The following TNRC18 variants were observed in gnomAD, a reference collection of about 807,000 sequenced individuals.
TNRC18 encodes the protein trinucleotide repeat containing 18.
TNRC18 carries 69 observed loss-of-function variants against 226.7 expected under a neutral mutation model. That is an observed-to-expected ratio of 0.30 (90% CI 0.25 to 0.37). TNRC18 has a LOEUF of 0.37. TNRC18 is among the 10% of genes least tolerant of loss of function. The pLI is 1.00. For missense variants in TNRC18, 4,754 were observed against 4,256.6 expected (o/e 1.12, Z -3.25); for synonymous variants, 2,449 against 1,927.6 (o/e 1.27, Z -7.09).
intron 5 of TNRC18, among the ~76,000 whole-genome samples, chr7:5,382,684 T>C (rs1188268280): frequency 2.0e-5 from 3 of 152,064 alleles, no homozygotes; most frequent in South Asian, 2.1e-4. Context: ...CTCCCAGACC[T>C]GGCCCCACCC....
Position 5,389,118 on chromosome 7 carries a change from G to C in TNRC18, c.706C>G (p.Arg236Gly). Residue 236 changes from arginine (R) to glycine (G), a missense_variant, in exon 5 of 30, where the codon CGG becomes GGG. Transcript: ENST00000430969. ...RARGEEASGPRGVVDLTQEAR... is the reference protein window; with the variant it reads ...RARGEEASGPGGVVDLTQEAR... Reference sequence around the variant, plus strand: ...TCCTGGGTCAGGTCCACCACGCCCCGTGGCCCCGAGGCCTCCTCGCCCCGG... The same window carrying C: ...TCCTGGGTCAGGTCCACCACGCCCCCTGGCCCCGAGGCCTCCTCGCCCCGG... 7.6e-7 allele frequency: 1 copy of C among 1,317,336 alleles called. No homozygotes were observed. Among genetic ancestry groups the C allele is most frequent in the Non-Finnish European group, 9.7e-7 (1 of 1,032,264 alleles). The allele number at this position is 1,317,336 out of a possible 1,614,324, so 81.6% of individuals were successfully genotyped here.
chr7:5,343,009 C>T (rs142713569), intron 18 of TNRC18, among the ~76,000 whole-genome samples: 1 of 152,266 alleles, frequency 6.6e-6, no homozygotes, highest in Non-Finnish European at 1.5e-5. Flanking sequence ...TGATCGTTAG[C>T]GTTTTTGGCA....
At chr7:5,407,977 C>T (rs1461415447) in intron 2 of TNRC18, among the ~76,000 whole-genome samples, 1 of 152,178 alleles carries the variant, frequency 6.6e-6, no homozygotes, top group Non-Finnish European at 1.5e-5. Context: ...CAAGAGACTG[C>T]ACAGTATTTG....
chr7:5,364,089 G>A (rs1440758112), intron 11 of TNRC18, among the ~76,000 whole-genome samples: 1 of 152,158 alleles, frequency 6.6e-6, no homozygotes, highest in Non-Finnish European at 1.5e-5. Context: ...TTTGAGGTGA[G>A]CAGTTTTGAG....
chr7:5,325,309 C>A, intron 19 of TNRC18, 61 bp from the exon 20 acceptor site: 1 of 1,520,964 alleles, frequency 6.6e-7, no homozygotes, highest in South Asian at 1.2e-5. Context: ...GGCAGCACCC[C>A]TGTCCCCCTC....
At chr7:5,350,618 G>C (rs1040669723) in intron 17 of TNRC18, among the ~76,000 whole-genome samples, 1 of 152,160 alleles carries the variant, frequency 6.6e-6, no homozygotes, top group South Asian at 2.1e-4. Flanking sequence ...CCTAAAACCA[G>C]GGCTAGGAAA....
rs978790005 is a variant in TNRC18, at chr7:5,394,278, CAAG to C, written c.343+159_343+161del. Among the ~76,000 whole-genome samples, 22 of 152,192 alleles carry C rather than the reference CAAG, an allele frequency of 1.4e-4. No individual in the cohort carries two copies. The highest frequency in any genetic ancestry group is 4.1e-4 in the African/African-American group (17 of 41,516). On this transcript the variant is annotated intron_variant, in intron 3 of 29. Transcript: ENST00000430969. The surrounding 1 kb of genome is among the most constrained non-coding windows in gnomAD (Gnocchi z 4.5). ...TCATACAAATGCCCTGTGACAGTGA[CAAG>C]AAGAAGCCCTGAGCGTTTGAGAAAC... is the stretch of plus-strand genomic sequence containing the variant.
In TNRC18 at chr7:5,307,287, A is replaced by T. The variant is rs908865466; in HGVS notation, c.*819T>A. Reference sequence around the variant, plus strand: ...TATTTATATATATTTATCTTTATATATATAATTAAAAAGTTGACTCCATTT... The same window carrying T: ...TATTTATATATATTTATCTTTATATTTATAATTAAAAAGTTGACTCCATTT... On this transcript the variant is annotated 3_prime_UTR_variant, in exon 30 of 30. Coordinates refer to ENST00000430969, the MANE Select transcript of TNRC18 (RefSeq NM_001080495.3). 14 of 150,430 alleles carry T rather than the reference A, an allele frequency of 9.3e-5. No homozygotes were observed. The highest frequency in any genetic ancestry group is 1.6e-4 in the Non-Finnish European group (11 of 67,680). 9.3% of individuals were successfully genotyped at this position (150,430 alleles called of 1,614,324 possible). A position where few individuals can be genotyped will look rare whatever the true frequency, so the allele number is the denominator to read the frequency against.
Position 5,313,301 on chromosome 7 carries a change from C to G in TNRC18, c.7590G>C (p.Gly2530=). ...ATDGDLAQEP[G]PGLTFEDSGN... is the part of the protein sequence containing the mutation. The stretch of plus-strand genomic sequence containing the variant: ...CAGAGTCCTCGAACGTGAGCCCCGG[C>G]CCGGGCTCCTGGGCGAGGTCCCCGT... The change falls in exon 27 of 30, where the codon GGG becomes GGC. Residue 2530 remains glycine (G), a synonymous_variant. Transcript: ENST00000430969. The G allele has an allele frequency of 6.5e-7, 1 of 1,548,656 alleles. No homozygotes were observed. The highest frequency in any genetic ancestry group is 8.7e-7 in the Non-Finnish European group (1 of 1,146,742).
chr7:5,373,374 C>T (rs571083032), intron 10 of TNRC18, among the ~76,000 whole-genome samples: 1 of 152,228 alleles, frequency 6.6e-6, no homozygotes, highest in East Asian at 1.9e-4. Context: ...CAAGTGTAAT[C>T]TCCCTGAGAG....
At chr7:5,416,644 G>A (rs962547482) in intron 2 of TNRC18, among the ~76,000 whole-genome samples, 1 of 149,396 alleles carries the variant, frequency 6.7e-6, no homozygotes, top group Admixed American at 6.7e-5. Flanking sequence ...TCACTTGAGG[G>A]CAGGAGTTTA....
intron 2 of TNRC18, among the ~76,000 whole-genome samples, chr7:5,415,191 C>A (rs1782100344): frequency 6.6e-6 from 1 of 152,076 alleles, no homozygotes. Flanking sequence ...CTCAGATACG[C>A]CAGGCTCTGA....
At chr7:5,310,381 C>T (rs2128100948) in intron 27 of TNRC18, among the ~76,000 whole-genome samples, 1 of 152,196 alleles carries the variant, frequency 6.6e-6, no homozygotes, top group East Asian at 1.9e-4. Context: ...AGGCGTGCAC[C>T]ACCACGCCTG....
intron 18 of TNRC18, among the ~76,000 whole-genome samples, chr7:5,338,304 T>C (rs1315581835): frequency 2.0e-5 from 3 of 151,984 alleles, no homozygotes; most frequent in African/African-American, 7.2e-5. Context: ...AACTAAAGAC[T>C]AAGACACTAA....
chr7:5,319,119 G>A (rs186709863), intron 24 of TNRC18, among the ~76,000 whole-genome samples: 6 of 152,312 alleles, frequency 3.9e-5, no homozygotes, highest in South Asian at 4.1e-4. Flanking sequence ...TAGGAAATCC[G>A]AATCTAAGGC....
chr7:5,327,022 G>A (rs141773762), intron 19 of TNRC18, among the ~76,000 whole-genome samples: 12,441 of 151,940 alleles, frequency 0.082, 626 homozygotes, highest in Non-Finnish European at 0.1. Context: ...TACTCGGGAG[G>A]CTGAGGCAGG....
rs543567978 is a variant in TNRC18, at chr7:5,339,205, T to A, written c.5720-6156A>T. On this transcript the variant is annotated intron_variant, in intron 18 of 29. Transcript: ENST00000430969. ...AGATGGGAAACTTCACCAACAAATG[T>A]GTTTTTTTTGTTTCTTTTTTTTTCT... Among the ~76,000 whole-genome samples, 6 of 150,282 alleles carry A rather than the reference T, an allele frequency of 4.0e-5. No individual in the cohort carries two copies. In the South Asian group the frequency reaches 1.3e-3, roughly 32 times the overall value.
chr7:5,359,939 G>A (rs1053236727), intron 14 of TNRC18, among the ~76,000 whole-genome samples: 1 of 151,888 alleles, frequency 6.6e-6, no homozygotes, highest in Admixed American at 6.6e-5. Context: ...GGGGAGTTCA[G>A]AACACAAGTT....
At position 5,390,545 on chromosome 7, in the gene TNRC18, G is replaced by A. The variant is rs1780213716; in HGVS notation, c.427C>T (p.Leu143Phe). ...ATGCTGGGCTGACCCAGCTGGCTGA[G>A]GAGGGGGCTCCCACTGCTGGGGGGC... is the stretch of plus-strand genomic sequence containing the variant. ...LEPPSSGSPL[L>F]SQLGQPSIFD... The change falls in exon 4 of 30, where the codon CTC becomes TTC. Residue 143 changes from leucine (L) to phenylalanine (F), a missense_variant. Transcript: ENST00000430969. 6.2e-7 allele frequency: 1 copy of A among 1,613,646 alleles called. No individual in the cohort carries two copies. The highest frequency in any genetic ancestry group is 1.1e-5 in the South Asian group (1 of 91,024).
Sources: allele counts gnomAD v4.1 joint callset (sites outside exome capture counted in the v4.1 genomes callset), GRCh38; gene constraint gnomAD v4.1.1; non-coding constraint Gnocchi (gnomAD v3.1); transcripts MANE v1.5; gene names NCBI Gene and HGNC (gene_info 2026-07-23, HGNC 2026-07-21).